SLC25A36: variants seen among roughly 807,000 people sequenced by gnomAD.
SLC25A36 encodes epididymis secretory sperm binding protein.
A neutral mutation model predicts 35.3 loss-of-function variants in SLC25A36; 24 were observed. The observed-to-expected ratio is 0.68, with a 90% CI of 0.49 to 0.96. SLC25A36 has a LOEUF of 0.96. Among genes scored for constraint, SLC25A36 ranks in the 40% least tolerant of loss-of-function variants. The pLI is 0.00. For synonymous variants in SLC25A36, 141 were observed against 132.2 expected (o/e 1.07, Z -0.46); for missense variants, 294 against 381.1 (o/e 0.77, Z 1.90).
chr3:140,977,475 G>C lies in SLC25A36; in HGVS notation c.*1022G>C, dbSNP rs1319662891. On this transcript the variant is annotated 3_prime_UTR_variant, in exon 7 of 7. Transcript: ENST00000324194. ...GACAGTATAAATATTATAGACAAGG[G>C]CCCCCTTGCTGTCTGCTTTAGCAGG... The C allele has an allele frequency of 1.3e-5, 2 of 152,092 alleles. No individual in the cohort carries two copies. The highest frequency in any genetic ancestry group is 1.3e-4 in the Admixed American group (2 of 15,260). The allele number at this position is 152,092 out of a possible 1,614,324, so 9.4% of individuals were successfully genotyped here. A position where few individuals can be genotyped will look rare whatever the true frequency, so the allele number is the denominator to read the frequency against.
intron 4 of SLC25A36, chr3:140,963,470 A>G (rs549313664): frequency 3.2e-6 from 1 of 310,722 alleles, no homozygotes; most frequent in East Asian, 7.4e-5. Context: ...TGTGTAGTCC[A>G]CTGAATGTTT....
intron 1 of SLC25A36, among the ~76,000 whole-genome samples, chr3:140,944,657 A>G (rs1261472282): frequency 6.6e-6 from 1 of 152,194 alleles, no homozygotes; most frequent in Non-Finnish European, 1.5e-5. Flanking sequence ...TATTGTCTCA[A>G]ATAGGAGCTA....
intron 1 of SLC25A36, among the ~76,000 whole-genome samples, chr3:140,949,507 G>A (rs1023083344): frequency 6.6e-6 from 1 of 152,108 alleles, no homozygotes; most frequent in Non-Finnish European, 1.5e-5. Flanking sequence ...CTCACCAAGC[G>A]ATCTTGGCCT....
At chr3:140,976,142 A>G (rs1935037696) in intron 6 of SLC25A36, 118 bp from the exon 7 acceptor site, 1 of 684,250 alleles carries the variant, frequency 1.5e-6, no homozygotes, top group African/African-American at 1.8e-5. Context: ...ACACATTAGA[A>G]GCCATCCTTT....
At chr3:140,951,513 G>C (rs564821350) in intron 1 of SLC25A36, among the ~76,000 whole-genome samples, 1 of 152,052 alleles carries the variant, frequency 6.6e-6, no homozygotes, top group Non-Finnish European at 1.5e-5. Context: ...ATGGAGTCTC[G>C]CTCTGTCACC....
chr3:140,975,560 A>G (rs1935021396), intron 6 of SLC25A36, among the ~76,000 whole-genome samples: 1 of 152,198 alleles, frequency 6.6e-6, no homozygotes, highest in South Asian at 2.1e-4. Flanking sequence ...GTGGATGTAA[A>G]AAAAAGTAGT....
chr3:140,956,326 T>A (rs1934477689), intron 1 of SLC25A36, among the ~76,000 whole-genome samples: 1 of 152,198 alleles, frequency 6.6e-6, no homozygotes. Flanking sequence ...TAAGCTGTGT[T>A]CATTTTAGTT....
chr3:140,962,740 CATTT>C (rs1350007892), intron 3 of SLC25A36, among the ~76,000 whole-genome samples: 3 of 151,942 alleles, frequency 2.0e-5, no homozygotes, highest in African/African-American at 2.4e-5. Flanking sequence ...CTTATTCATT[CATTT>C]AGTTTCTAAA....
chr3:140,959,017 T>C (rs1172594885), intron 2 of SLC25A36, among the ~76,000 whole-genome samples: 4 of 145,198 alleles, frequency 2.8e-5, no homozygotes, highest in Non-Finnish European at 4.5e-5. Context: ...TGTTTTCTTT[T>C]TCTTTTTTTT....
rs866282150 is a variant in SLC25A36 at position 140,977,138 on chromosome 3, T to G, written c.*685T>G. 1 of 152,328 alleles carries G rather than the reference T, an allele frequency of 6.6e-6. No homozygotes were observed. Among genetic ancestry groups the G allele is most frequent in the South Asian group, 2.1e-4 (1 of 4,824 alleles). 9.4% of individuals were successfully genotyped at this position (152,328 alleles called of 1,614,324 possible). On this transcript the variant is annotated 3_prime_UTR_variant, in exon 7 of 7. Coordinates refer to ENST00000324194, the MANE Select transcript of SLC25A36 (RefSeq NM_001104647.3). ...TGGGACAAAATAACTAGTAAAATGT[T>G]GATTTCTCGGCTTTTTCACTGACTG...
chr3:140,957,772 C>G (rs376980049), intron 2 of SLC25A36, among the ~76,000 whole-genome samples: 261 of 152,224 alleles, frequency 1.7e-3, no homozygotes, highest in African/African-American at 6.1e-3. Flanking sequence ...TACATAAATA[C>G]TTCTATCTGA....
chr3:140,967,909 A>G, intron 4 of SLC25A36: 5 of 830,152 alleles, frequency 6.0e-6, no homozygotes, highest in Non-Finnish European at 7.3e-6. Flanking sequence ...ATGTTTCACT[A>G]GGTGCTCAGA....
In SLC25A36 at chr3:140,973,794, T is replaced by TAGGG. The variant is rs756300707; in HGVS notation, c.532_535dup (p.Gly179GlufsTer21). ...AGACAGATGGACTAAAAGGATTTTATAGGGGCATGTCTGCTTCATATGCTG... is the reference window on the plus strand; with the variant it reads ...AGACAGATGGACTAAAAGGATTTTATAGGGAGGGGCATGTCTGCTTCATATGCTG... On this transcript the variant is annotated frameshift_variant, in exon 6 of 7. Transcript: ENST00000324194. LOFTEE classifies it high-confidence loss of function. 6.2e-7 allele frequency: 1 copy of TAGGG among 1,612,426 alleles called. No homozygotes were observed. Among genetic ancestry groups the TAGGG allele is most frequent in the Non-Finnish European group, 8.5e-7 (1 of 1,179,048 alleles).
In SLC25A36 at chr3:140,959,522, T is replaced by TG; in HGVS notation, c.271dup (p.Val91GlyfsTer21). ...TTTAGAGGACTAGGCCCCAATTTAGTGGGGGTAGCCCCTTCCAGGTAAAAA... is the reference window on the plus strand; with the variant it reads ...TTTAGAGGACTAGGCCCCAATTTAGTGGGGGGTAGCCCCTTCCAGGTAAAAA... On this transcript the variant is annotated frameshift_variant, in exon 3 of 7. Coordinates refer to ENST00000324194, the MANE Select transcript of SLC25A36 (RefSeq NM_001104647.3). LOFTEE classifies it high-confidence loss of function. The TG allele has an allele frequency of 6.7e-7, 1 of 1,484,610 alleles. No individual in the cohort carries two copies. Among genetic ancestry groups the TG allele is most frequent in the Non-Finnish European group, 8.9e-7 (1 of 1,126,260 alleles). The allele number at this position is 1,484,610 out of a possible 1,614,324, so 92.0% of individuals were successfully genotyped here. A position where few individuals can be genotyped will look rare whatever the true frequency, so the allele number is the denominator to read the frequency against.
At chr3:140,948,653 T>A (rs1934233111) in intron 1 of SLC25A36, among the ~76,000 whole-genome samples, 2 of 152,372 alleles carry the variant, frequency 1.3e-5, no homozygotes, top group South Asian at 4.1e-4. Context: ...CAAATATTGT[T>A]GACCTCATCA....
At chr3:140,945,357 C>T (rs1470946128) in intron 1 of SLC25A36, among the ~76,000 whole-genome samples, 1 of 152,180 alleles carries the variant, frequency 6.6e-6, no homozygotes, top group African/African-American at 2.4e-5. Context: ...AGACATCCTC[C>T]TTCCCTTTTT....
At chr3:140,956,436 C>T in intron 1 of SLC25A36, 91 bp from the exon 2 acceptor site, 1 of 1,305,102 alleles carries the variant, frequency 7.7e-7, no homozygotes, top group Non-Finnish European at 9.8e-7. Flanking sequence ...TGGCAAAGCT[C>T]CAGGTACCCA....
intron 4 of SLC25A36, chr3:140,968,368 C>G (rs1042949694): frequency 3.5e-6 from 3 of 853,494 alleles, no homozygotes; most frequent in Admixed American, 6.2e-5. Context: ...AGAGCTAGCT[C>G]TCATTGGGAG....
Position 140,976,571 on chromosome 3 carries a change from T to C in SLC25A36, c.*118T>C. 1 of 769,592 alleles carries C rather than the reference T, an allele frequency of 1.3e-6. No homozygotes were observed. Among genetic ancestry groups the C allele is most frequent in the South Asian group, 2.8e-5 (1 of 35,116 alleles). The allele number at this position is 769,592 out of a possible 1,614,324, so 47.7% of individuals were successfully genotyped here. The stretch of plus-strand genomic sequence containing the variant: ...ATAGTTTGGGAACATGTAACTATTC[T>C]AAGTGGAAGTTTTGTTGTAGGAATT... On this transcript the variant is annotated 3_prime_UTR_variant, in exon 7 of 7. Coordinates refer to ENST00000324194, the MANE Select transcript of SLC25A36 (RefSeq NM_001104647.3).
Sources: gnomAD v4.1 joint callset for allele counts (sites outside exome capture counted in the v4.1 genomes callset) on GRCh38, gnomAD v4.1.1 for gene constraint, MANE v1.5 for transcripts, NCBI Gene and HGNC (gene_info 2026-07-23, HGNC 2026-07-21) for gene names.